Variants in PDGFRA observed in about 807,000 individuals in gnomAD.
PDGFRA encodes platelet derived growth factor receptor alpha, also known as platelet-derived growth factor receptor alpha.
PDGFRA carries 25 observed loss-of-function variants against 121.5 expected under a neutral mutation model. The observed-to-expected ratio is 0.21, with a 90% CI of 0.15 to 0.29. The LOEUF (loss-of-function observed/expected upper bound fraction) is 0.29. PDGFRA is among the 10% of genes least tolerant of loss of function. The pLI, the probability that PDGFRA is intolerant of heterozygous loss-of-function variation, is 1.00. For synonymous variants in PDGFRA, 463 were observed against 494.8 expected, an observed-to-expected ratio of 0.94 and a Z score of 0.85; for missense variants, 1,008 against 1,345.1, an observed-to-expected ratio of 0.75 and a Z score of 3.92.
At chr4:54,293,054 A>G (rs1403666784) in intron 22 of PDGFRA, among the ~76,000 whole-genome samples, 1 of 152,094 alleles carries the variant, frequency 6.6e-6, no homozygotes, top group African/African-American at 2.4e-5. Context: ...ATTATCATAC[A>G]CTTGTTTTGT....
At chr4:54,231,897 A>C (rs1310118324) in intron 1 of PDGFRA, among the ~76,000 whole-genome samples, 1 of 152,200 alleles carries the variant, frequency 6.6e-6, no homozygotes, top group Non-Finnish European at 1.5e-5. Flanking sequence ...ACGCGGACTG[A>C]GGAGGGATGC....
Position 54,272,455 on chromosome 4 carries a change from G to T in PDGFRA, c.1299G>T (p.Val433=), listed in dbSNP as rs1060504252. The T allele has an allele frequency of 1.2e-5, 20 of 1,613,884 alleles. No homozygotes were observed. Among genetic ancestry groups the T allele is most frequent in the Non-Finnish European group, 1.7e-5 (20 of 1,179,902 alleles). The change falls in exon 9 of 23, where the codon GTG becomes GTT. Residue 433 remains valine, a synonymous_variant. Transcript: ENST00000257290. The stretch of plus-strand genomic sequence containing the variant: ...ATGGCTCAACTGGGGGACAGACGGT[G>T]AGGTGCACAGCTGAAGGCACGCCGC... ...DHHGSTGGQT[V]RCTAEGTPLP...
intron 22 of PDGFRA, among the ~76,000 whole-genome samples, chr4:54,291,384 A>G (rs1393586835): frequency 6.6e-6 from 1 of 152,280 alleles, no homozygotes; most frequent in African/African-American, 2.4e-5. Context: ...AACAGGGACA[A>G]TAAATCGTTA....
intron 1 of PDGFRA, among the ~76,000 whole-genome samples, chr4:54,235,165 T>G (rs1027803438): frequency 6.6e-6 from 1 of 152,164 alleles, no homozygotes; most frequent in Non-Finnish European, 1.5e-5. Flanking sequence ...CAGTTAGAAT[T>G]AACTTAGGAG....
chr4:54,264,054 G>C, intron 4 of PDGFRA, 127 bp downstream of exon 4: 1 of 812,636 alleles, frequency 1.2e-6, no homozygotes, highest in Non-Finnish European at 2.0e-6. Context: ...TGGGGATTTA[G>C]GACCCCAGCT....
At chr4:54,283,197 A>G (rs1456660561) in intron 16 of PDGFRA, among the ~76,000 whole-genome samples, 3 of 152,260 alleles carry the variant, frequency 2.0e-5, no homozygotes, top group South Asian at 2.1e-4. Flanking sequence ...TCAACCCCAC[A>G]TTTCCCCTCT....
chr4:54,246,317 G>A (rs1330163797), intron 1 of PDGFRA, among the ~76,000 whole-genome samples: 1 of 152,166 alleles, frequency 6.6e-6, no homozygotes, highest in Non-Finnish European at 1.5e-5. Context: ...ATAGTTGGAA[G>A]TAAAGCACTC....
At chr4:54,273,874 CT>C (rs1723556547) in intron 10 of PDGFRA, 144 bp downstream of exon 10, 2 of 717,888 alleles carry the variant, frequency 2.8e-6, no homozygotes, top group African/African-American at 3.5e-5. Flanking sequence ...TCATGTGGGA[CT>C]TTGTTTTATT....
chr4:54,237,261 C>T (rs1173143572), intron 1 of PDGFRA, among the ~76,000 whole-genome samples: 6 of 152,316 alleles, frequency 3.9e-5, no homozygotes, highest in South Asian at 2.1e-4. Context: ...TGAGCCACCA[C>T]GCCCGGCCTC....
At chr4:54,232,250 C>T (rs1720725018) in intron 1 of PDGFRA, among the ~76,000 whole-genome samples, 1 of 152,208 alleles carries the variant, frequency 6.6e-6, no homozygotes, top group South Asian at 2.1e-4. Context: ...GATAATCTTT[C>T]GGTCTCGCCT....
chr4:54,259,499 C>A (rs1722567926), intron 2 of PDGFRA, among the ~76,000 whole-genome samples: 1 of 152,070 alleles, frequency 6.6e-6, no homozygotes, highest in African/African-American at 2.4e-5. Flanking sequence ...AAAAACTTTC[C>A]CACCAAAAGG....
chr4:54,236,743 C>T (rs1368413289), intron 1 of PDGFRA, among the ~76,000 whole-genome samples: 2 of 151,634 alleles, frequency 1.3e-5, no homozygotes, highest in African/African-American at 4.9e-5. Flanking sequence ...GCAGAGGTTG[C>T]AATGAGCTGA....
At chr4:54,269,938 C>A (rs1723249890) in intron 7 of PDGFRA, among the ~76,000 whole-genome samples, 1 of 151,884 alleles carries the variant, frequency 6.6e-6, no homozygotes, top group Non-Finnish European at 1.5e-5. Context: ...AGGTGTGAGT[C>A]ATCACACCCA....
chr4:54,289,244 T>C, intron 21 of PDGFRA, 130 bp downstream of exon 21: 1 of 709,850 alleles, frequency 1.4e-6, no homozygotes, highest in South Asian at 1.5e-5. Flanking sequence ...GTGGCTGGGC[T>C]TCATGGCGGT....
At chr4:54,235,091 G>A (rs1230775203) in intron 1 of PDGFRA, among the ~76,000 whole-genome samples, 1 of 152,158 alleles carries the variant, frequency 6.6e-6, no homozygotes, top group African/African-American at 2.4e-5. Context: ...GTGTAGACCT[G>A]CACTTGGTTT....
chr4:54,253,836 C>T (rs1469812798), intron 1 of PDGFRA, among the ~76,000 whole-genome samples: 1 of 152,062 alleles, frequency 6.6e-6, no homozygotes, highest in Non-Finnish European at 1.5e-5. Flanking sequence ...AGGAGTGTGC[C>T]ACCATGCCCG....
intron 16 of PDGFRA, among the ~76,000 whole-genome samples, chr4:54,285,020 A>C (rs1040732924): frequency 6.6e-6 from 1 of 150,968 alleles, no homozygotes; most frequent in Admixed American, 6.6e-5. Flanking sequence ...CAGCCTCCTG[A>C]GTAGCTGGGA....
Position 54,296,503 on chromosome 4 carries a change from GAGAA to G in PDGFRA, c.*1235_*1238del, listed in dbSNP as rs1724892250. 4.3e-6 allele frequency: 1 copy of G among 231,206 alleles called. No homozygotes were observed. Among genetic ancestry groups the G allele is most frequent in the Non-Finnish European group, 8.6e-6 (1 of 116,926 alleles). The allele number at this position is 231,206 out of a possible 1,614,324, so 14.3% of individuals were successfully genotyped here. The stretch of plus-strand genomic sequence containing the variant: ...TCCTTCTTTCACCCCTTACCCCAAA[GAGAA>G]AGAGTTTGAAACTCGAGACCATAAA... On this transcript the variant is annotated 3_prime_UTR_variant, in exon 23 of 23. Coordinates refer to ENST00000257290, the MANE Select transcript of PDGFRA (RefSeq NM_006206.6).
chr4:54,245,852 T>C (rs1283428502), intron 1 of PDGFRA, among the ~76,000 whole-genome samples: 50 of 151,682 alleles, frequency 3.3e-4, no homozygotes, highest in African/African-American at 1.1e-3. Context: ...AGGCTCAAAA[T>C]AAAAGGATGG....
Sources: gnomAD v4.1 joint callset for allele counts (sites outside exome capture counted in the v4.1 genomes callset) on GRCh38, gnomAD v4.1.1 for gene constraint, MANE v1.5 for transcripts, NCBI Gene and HGNC (gene_info 2026-07-23, HGNC 2026-07-21) for gene names.